PRKN: variants seen among roughly 807,000 people sequenced by gnomAD.
PRKN encodes the protein parkin RBR E3 ubiquitin protein ligase.
A neutral mutation model predicts 59.5 loss-of-function variants in PRKN; 56 were observed. That is an observed-to-expected ratio of 0.94 (90% confidence interval 0.76 to 1.18). The LOEUF is 1.18. Ranked by LOEUF, PRKN falls within the 50% of genes most tolerant of loss-of-function variation. PRKN has a pLI of 0.00. For synonymous variants in PRKN, 250 were observed against 222.1 expected, an observed-to-expected ratio of 1.13 and a Z score of -1.12; for missense variants, 657 against 596.4, an observed-to-expected ratio of 1.10 and a Z score of -1.06.
At chr6:162,143,232 G>T (rs1781864760) in intron 4 of PRKN, among the ~76,000 whole-genome samples, 1 of 152,168 alleles carries the variant, frequency 6.6e-6, no homozygotes, top group African/African-American at 2.4e-5. Context: ...AAGTATCATT[G>T]ACTAATTTCT....
intron 9 of PRKN, among the ~76,000 whole-genome samples, chr6:161,436,029 A>C (rs185469098): frequency 2.2e-3 from 1 of 462 alleles, no homozygotes; most frequent in East Asian, 0.25. Context: ...GAGGAGGGGG[A>C]GGGATGGGAG....
chr6:162,663,328 G>A (rs1778966844), intron 1 of PRKN, among the ~76,000 whole-genome samples: 1 of 151,884 alleles, frequency 6.6e-6, no homozygotes, highest in Non-Finnish European at 1.5e-5. Context: ...TCTAAGCAAG[G>A]AGGTGATAAC....
chr6:161,669,367 C>T (rs1357023846), intron 7 of PRKN, among the ~76,000 whole-genome samples: 1 of 152,198 alleles, frequency 6.6e-6, no homozygotes, highest in Non-Finnish European at 1.5e-5. Context: ...CAGCTTCCTC[C>T]TCCCCATCCA....
chr6:162,717,013 G>T (rs1778755786), intron 1 of PRKN, among the ~76,000 whole-genome samples: 1 of 152,190 alleles, frequency 6.6e-6, no homozygotes, highest in African/African-American at 2.4e-5. Context: ...TGACAAAAGG[G>T]ACTTTGCAGA....
intron 2 of PRKN, among the ~76,000 whole-genome samples, chr6:162,298,257 G>T (rs1583334910): frequency 6.6e-6 from 1 of 152,008 alleles, no homozygotes; most frequent in East Asian, 1.9e-4. Context: ...TGGTTCCGGT[G>T]GGGACTGCAA....
chr6:162,534,232 A>G (rs1778628618), intron 1 of PRKN, among the ~76,000 whole-genome samples: 3 of 152,232 alleles, frequency 2.0e-5, no homozygotes, highest in South Asian at 2.1e-4. Flanking sequence ...CTTCCCCCAC[A>G]GCTCTACTCC....
At chr6:162,496,755 T>A (rs1444784262) in intron 1 of PRKN, among the ~76,000 whole-genome samples, 1 of 152,194 alleles carries the variant, frequency 6.6e-6, no homozygotes, top group Non-Finnish European at 1.5e-5. Flanking sequence ...AAATTAGACA[T>A]AATAAGTGCC....
intron 6 of PRKN, among the ~76,000 whole-genome samples, chr6:161,935,554 C>CA (rs773798640): frequency 0.28 from 22,678 of 82,284 alleles, 2,088 homozygotes; most frequent in South Asian, 0.37. Context: ...ACCTTGTTTC[C>CA]AAAAAAAAAA....
intron 1 of PRKN, among the ~76,000 whole-genome samples, chr6:162,532,704 C>A (rs1000023239): frequency 6.6e-6 from 1 of 152,204 alleles, no homozygotes; most frequent in African/African-American, 2.4e-5. Context: ...CAGTGTAAAT[C>A]TGGATTCTGA....
intron 10 of PRKN, among the ~76,000 whole-genome samples, chr6:161,380,140 C>T (rs1248821928): frequency 6.6e-6 from 1 of 152,144 alleles, no homozygotes; most frequent in East Asian, 1.9e-4. Flanking sequence ...TCATGCTCAT[C>T]TCCAGAACTT....
chr6:162,664,361 C>T lies in PRKN; in HGVS notation c.7+63301G>A, dbSNP rs1198345571. Among the ~76,000 whole-genome samples the T allele has an allele frequency of 2.6e-5, 4 of 152,148 alleles. No homozygotes were observed. The East Asian group carries it at 7.7e-4, about 29-fold the overall frequency. ...CAGTGCCGCAATAAACATACGTGTA[C>T]ATATGTCTTTATAGCAGAATGATTT... On this transcript the variant is annotated intron_variant, in intron 1 of 11. Coordinates refer to ENST00000366898, the MANE Select transcript of PRKN (RefSeq NM_004562.3).
chr6:161,788,275 C>T (rs1469026244), intron 6 of PRKN, among the ~76,000 whole-genome samples: 1 of 152,192 alleles, frequency 6.6e-6, no homozygotes. Flanking sequence ...TAACAAGAAA[C>T]AAGCACTACG....
intron 7 of PRKN, among the ~76,000 whole-genome samples, chr6:161,595,599 C>T (rs1409592908): frequency 6.6e-6 from 1 of 151,888 alleles, no homozygotes; most frequent in Non-Finnish European, 1.5e-5. Flanking sequence ...TTCACGAAGG[C>T]CAAGACGGAA....
At chr6:162,473,452 A>G (rs555455877) in intron 1 of PRKN, among the ~76,000 whole-genome samples, 2 of 152,292 alleles carry the variant, frequency 1.3e-5, no homozygotes, top group East Asian at 3.9e-4. Context: ...GCTCCCTATT[A>G]TAACATAGTT....
intron 2 of PRKN, among the ~76,000 whole-genome samples, chr6:162,405,455 T>C (rs923946225): frequency 2.0e-5 from 3 of 152,154 alleles, no homozygotes; most frequent in African/African-American, 7.2e-5. Flanking sequence ...AAGAATAAGA[T>C]ACATTCTGCC....
chr6:161,381,329 G>C (rs535530256), intron 10 of PRKN, among the ~76,000 whole-genome samples: 5 of 152,156 alleles, frequency 3.3e-5, no homozygotes, highest in Non-Finnish European at 7.3e-5. Context: ...AGCTCCCAAA[G>C]ACCTGGGTAA....
chr6:162,413,335 A>C (rs557132594), intron 2 of PRKN, among the ~76,000 whole-genome samples: 168 of 152,312 alleles, frequency 1.1e-3, no homozygotes, highest in African/African-American at 4.0e-3. Context: ...AGCTACAAGC[A>C]TGAGTTATGA....
chr6:161,898,970 G>C (rs777082458), intron 6 of PRKN, among the ~76,000 whole-genome samples: 2 of 152,198 alleles, frequency 1.3e-5, no homozygotes, highest in East Asian at 1.9e-4. Context: ...GCAAATCATC[G>C]GTTGAAGTCA....
rs1434136926 is a variant in PRKN, at chr6:161,400,648, G to A, written c.1084-13771C>T. On this transcript the variant is annotated intron_variant, in intron 9 of 11. Transcript: ENST00000366898. This position sits in a 1 kb window ranked among gnomAD's most constrained non-coding sequence, Gnocchi z 4.2. ...ACGTATTCTAAGACAAAGAAATTCA[G>A]ATTTTTTTTTTTTCGAATAAAGGAT... Among the ~76,000 whole-genome samples, 1 of 149,326 alleles carries A rather than the reference G, an allele frequency of 6.7e-6. No homozygotes were observed. The highest frequency in any genetic ancestry group is 1.9e-4 in the East Asian group (1 of 5,180).
Sources: gnomAD v4.1 joint callset for allele counts (sites outside exome capture counted in the v4.1 genomes callset) on GRCh38, gnomAD v4.1.1 for gene constraint, Gnocchi (gnomAD v3.1) non-coding constraint, MANE v1.5 for transcripts, NCBI Gene and HGNC (gene_info 2026-07-23, HGNC 2026-07-21) for gene names.